Variants in PEPD observed in about 807,000 individuals in gnomAD.
PEPD encodes the protein xaa-Pro dipeptidase.
A neutral mutation model predicts 60.7 loss-of-function variants in PEPD; 53 were observed. That is an observed-to-expected ratio of 0.87 (90% CI 0.70 to 1.10). PEPD has a LOEUF of 1.10. PEPD is among the 50% of genes least tolerant of loss of function. The pLI is 0.00. For missense variants in PEPD, 711 were observed against 711.9 expected, an observed-to-expected ratio of 1.00 and a Z score of 0.01; for synonymous variants, 267 against 284.1, an observed-to-expected ratio of 0.94 and a Z score of 0.60.
intron 6 of PEPD, among the ~76,000 whole-genome samples, chr19:33,484,638 T>C (rs565994063): frequency 1.3e-4 from 20 of 152,136 alleles, no homozygotes; most frequent in East Asian, 3.9e-4. Flanking sequence ...TAGGGGAATG[T>C]AGACACACAT....
chr19:33,484,081 G>A, intron 6 of PEPD, among the ~76,000 whole-genome samples: 1 of 152,170 alleles, frequency 6.6e-6, no homozygotes, highest in Non-Finnish European at 1.5e-5. Context: ...GATTCCAGAT[G>A]TCTGAAGCTT....
intron 3 of PEPD, among the ~76,000 whole-genome samples, chr19:33,509,996 G>C (rs184775452): frequency 2.4e-4 from 37 of 152,314 alleles, no homozygotes; most frequent in Non-Finnish European, 7.3e-5. Context: ...GCATATCAGC[G>C]ATGGGCCTCA....
chr19:33,519,124 G>A (rs1971082677), intron 1 of PEPD, among the ~76,000 whole-genome samples: 1 of 152,160 alleles, frequency 6.6e-6, no homozygotes, highest in Admixed American at 6.5e-5. Flanking sequence ...GACAGCAGCA[G>A]TGCCACCAAG....
At chr19:33,404,881 C>T (rs1968583638) in intron 11 of PEPD, among the ~76,000 whole-genome samples, 1 of 152,170 alleles carries the variant, frequency 6.6e-6, no homozygotes, top group African/African-American at 2.4e-5. Context: ...TTCTGGAATC[C>T]AGGGACGAAA....
intron 3 of PEPD, among the ~76,000 whole-genome samples, chr19:33,503,532 C>A (rs1970748773): frequency 6.6e-6 from 1 of 152,170 alleles, no homozygotes; most frequent in Non-Finnish European, 1.5e-5. Flanking sequence ...AGACGCAGGG[C>A]TTATTGTGCA....
chr19:33,456,672 C>A (rs1209925939), intron 9 of PEPD, among the ~76,000 whole-genome samples: 2 of 152,132 alleles, frequency 1.3e-5, no homozygotes, highest in South Asian at 4.1e-4. Flanking sequence ...GTCCTGCCCA[C>A]GGACACACAG....
At chr19:33,444,584 A>C (rs1600120432) in intron 9 of PEPD, among the ~76,000 whole-genome samples, 1 of 134,806 alleles carries the variant, frequency 7.4e-6, no homozygotes, top group Non-Finnish European at 1.6e-5. Context: ...TCTCAGCTTC[A>C]CCTCCAAACT....
At chr19:33,438,022 G>A (rs779568902) in intron 9 of PEPD, among the ~76,000 whole-genome samples, 3 of 152,210 alleles carry the variant, frequency 2.0e-5, no homozygotes, top group Non-Finnish European at 2.9e-5. Context: ...ATGTCTAACC[G>A]TGAAACAGGA....
intron 1 of PEPD, 141 bp downstream of exon 1, chr19:33,521,603 C>G (rs1971136639): frequency 3.2e-6 from 3 of 926,414 alleles, no homozygotes; most frequent in Non-Finnish European, 5.1e-6. Flanking sequence ...CCGACCGGCG[C>G]TGGGACTCCG....
At chr19:33,419,075 T>C (rs748818890) in intron 9 of PEPD, among the ~76,000 whole-genome samples, 52 of 152,156 alleles carry the variant, frequency 3.4e-4, no homozygotes, top group Non-Finnish European at 6.8e-4. Context: ...ACACCAGTCC[T>C]GGCCCACAGA....
chr19:33,403,325 G>C (rs1968546677), intron 11 of PEPD, among the ~76,000 whole-genome samples: 1 of 152,204 alleles, frequency 6.6e-6, no homozygotes, highest in African/African-American at 2.4e-5. Flanking sequence ...AGCCCACCAC[G>C]TCTGCAGGGT....
intron 9 of PEPD, among the ~76,000 whole-genome samples, chr19:33,432,812 G>A (rs1335987088): frequency 3.9e-5 from 6 of 152,318 alleles, no homozygotes; most frequent in South Asian, 4.1e-4. Context: ...AGGCACAAGC[G>A]CATGGCAAAG....
chr19:33,417,279 G>C (rs1968910688), intron 9 of PEPD, among the ~76,000 whole-genome samples: 1 of 152,264 alleles, frequency 6.6e-6, no homozygotes, highest in Non-Finnish European at 1.5e-5. Flanking sequence ...GAGGTGGAGA[G>C]GGGAGGCTGG....
At chr19:33,424,245 G>A (rs1210869995) in intron 9 of PEPD, among the ~76,000 whole-genome samples, 2 of 152,250 alleles carry the variant, frequency 1.3e-5, no homozygotes, top group Non-Finnish European at 2.9e-5. Flanking sequence ...ACCAGAGGCA[G>A]AACTTGACTG....
intron 7 of PEPD, among the ~76,000 whole-genome samples, chr19:33,467,289 A>G (rs1430495602): frequency 6.6e-6 from 1 of 152,000 alleles, no homozygotes; most frequent in East Asian, 1.9e-4. Flanking sequence ...CCGCCCTGAT[A>G]CATTCCTTAG....
intron 3 of PEPD, among the ~76,000 whole-genome samples, chr19:33,503,687 C>A (rs1970751779): frequency 6.6e-6 from 1 of 152,214 alleles, no homozygotes; most frequent in African/African-American, 2.4e-5. Flanking sequence ...GGGATCAACA[C>A]ATCAACTCGG....
intron 9 of PEPD, among the ~76,000 whole-genome samples, chr19:33,462,423 C>T (rs946857448): frequency 1.3e-5 from 2 of 152,194 alleles, no homozygotes; most frequent in Non-Finnish European, 2.9e-5. Context: ...TTTCCTTGTA[C>T]CATGGGTGGC....
chr19:33,429,775 T>G (rs903525970), intron 9 of PEPD, among the ~76,000 whole-genome samples: 2 of 152,116 alleles, frequency 1.3e-5, no homozygotes, highest in Admixed American at 1.3e-4. Context: ...AAGAGCCCAA[T>G]TACAGAGCAA....
intron 9 of PEPD, among the ~76,000 whole-genome samples, chr19:33,462,704 T>C (rs1969948636): frequency 6.6e-6 from 1 of 152,126 alleles, no homozygotes; most frequent in Non-Finnish European, 1.5e-5. Context: ...AGAGCAGCAA[T>C]TTGGTAAAGT....
Sources: allele counts gnomAD v4.1 joint callset (sites outside exome capture counted in the v4.1 genomes callset), GRCh38; gene constraint gnomAD v4.1.1; transcripts MANE v1.5; gene names NCBI Gene and HGNC (gene_info 2026-07-23, HGNC 2026-07-21).